The following MAGI2 variants were observed in gnomAD, a reference collection of about 807,000 sequenced individuals.
MAGI2 encodes membrane-associated guanylate kinase, WW and PDZ domain-containing protein 2.
MAGI2 carries 35 observed loss-of-function variants against 133.3 expected under a neutral mutation model. The ratio of observed to expected loss-of-function variants is 0.26; its 90% CI spans 0.20 to 0.35. The LOEUF (loss-of-function observed/expected upper bound fraction) is 0.35, where lower values mean the gene tolerates loss of function less well. Among genes scored for constraint, MAGI2 ranks in the 10% least tolerant of loss-of-function variants. MAGI2 has a pLI of 1.00. For synonymous variants in MAGI2, 729 were observed against 710.6 expected (o/e 1.03, Z -0.41); for missense variants, 1,636 against 1,863.4 (o/e 0.88, Z 2.25).
chr7:78,573,215 T>A (rs1239147675), intron 3 of MAGI2, among the ~76,000 whole-genome samples: 2 of 74,354 alleles, frequency 2.7e-5, no homozygotes, highest in African/African-American at 1.3e-4. Context: ...AATATATATA[T>A]AAATATATAT....
chr7:79,121,994 A>G lies in MAGI2; in HGVS notation c.302-114788T>C, dbSNP rs1819943884. Among the ~76,000 whole-genome samples, 2 of 152,124 alleles carry G rather than the reference A, an allele frequency of 1.3e-5. 1 individual carries two copies. Among genetic ancestry groups the G allele is most frequent in the South Asian group, 4.1e-4 (2 of 4,826 alleles). ...AAAGTTGGTATTCAGTAGCTATATC[A>G]CTTTGTATTCCCACAGTACTTAAAA... On this transcript the variant is annotated intron_variant, in intron 1 of 21. Coordinates refer to ENST00000354212, the MANE Select transcript of MAGI2 (RefSeq NM_012301.4).
chr7:78,088,978 AGGT>A (rs1816916741), intron 20 of MAGI2, among the ~76,000 whole-genome samples: 1 of 152,224 alleles, frequency 6.6e-6, no homozygotes, highest in Admixed American at 6.5e-5. Context: ...AGAGGACAGA[AGGT>A]GCTAAGCTGC....
At chr7:78,458,720 C>T (rs972790720) in intron 6 of MAGI2, among the ~76,000 whole-genome samples, 5 of 151,646 alleles carry the variant, frequency 3.3e-5, no homozygotes, top group African/African-American at 7.2e-5. Context: ...GTGCAAGCTC[C>T]GCCTCCTGGG....
At chr7:78,861,566 A>G (rs1224056802) in intron 2 of MAGI2, among the ~76,000 whole-genome samples, 2 of 152,180 alleles carry the variant, frequency 1.3e-5, no homozygotes, top group African/African-American at 2.4e-5. Flanking sequence ...ACACCAATTA[A>G]TATCTAAGTA....
chr7:78,366,420 C>G (rs959942628), intron 7 of MAGI2, among the ~76,000 whole-genome samples: 4 of 151,962 alleles, frequency 2.6e-5, no homozygotes, highest in Non-Finnish European at 1.5e-5. Context: ...CTTTCTTCTT[C>G]CAACAAAAAC....
chr7:79,401,626 C>A (rs1347112828), intron 1 of MAGI2, among the ~76,000 whole-genome samples: 3 of 151,870 alleles, frequency 2.0e-5, no homozygotes, highest in Non-Finnish European at 4.4e-5. Flanking sequence ...AATGACATAT[C>A]CAAAATAACA....
intron 1 of MAGI2, among the ~76,000 whole-genome samples, chr7:79,163,537 G>C (rs920051620): frequency 6.6e-6 from 1 of 152,072 alleles, no homozygotes; most frequent in Non-Finnish European, 1.5e-5. Context: ...ACCTCCTCAG[G>C]ATGTCATACC....
At chr7:79,443,273 TGTGTGTGTGTGC>T (rs1473228272) in intron 1 of MAGI2, among the ~76,000 whole-genome samples, 2 of 111,664 alleles carry the variant, frequency 1.8e-5, no homozygotes, top group South Asian at 3.1e-4. Context: ...AGTGTGTGTG[TGTGTGTGTGTGC>T]GTGTGTGTGT....
At chr7:78,072,744 G>A (rs1288944598) in intron 21 of MAGI2, 2 of 395,934 alleles carry the variant, frequency 5.1e-6, no homozygotes, top group Non-Finnish European at 8.9e-6. Flanking sequence ...GCAGTGGCAC[G>A]ATCATGGCTC....
chr7:78,762,868 T>C (rs985895280), intron 2 of MAGI2, among the ~76,000 whole-genome samples: 2 of 152,110 alleles, frequency 1.3e-5, no homozygotes, highest in African/African-American at 4.8e-5. Context: ...TTCCAGACAG[T>C]GAAAAAAATG....
At chr7:78,382,038 T>A (rs1021733999) in intron 6 of MAGI2, among the ~76,000 whole-genome samples, 2 of 152,180 alleles carry the variant, frequency 1.3e-5, no homozygotes, top group African/African-American at 4.8e-5. Context: ...ATGGAAACAA[T>A]CTAAATACCC....
intron 20 of MAGI2, among the ~76,000 whole-genome samples, chr7:78,099,023 A>G (rs1486081348): frequency 6.6e-6 from 1 of 152,154 alleles, no homozygotes; most frequent in Non-Finnish European, 1.5e-5. Context: ...TTTCAAATAC[A>G]AATGATTTCC....
intron 20 of MAGI2, among the ~76,000 whole-genome samples, chr7:78,121,160 TATAAG>T (rs1224882109): frequency 1.3e-5 from 2 of 150,220 alleles, no homozygotes; most frequent in East Asian, 2.0e-4. Flanking sequence ...TAGAAGAAGA[TATAAG>T]AGAAGACGTT....
chr7:79,289,854 A>T (rs558152666), intron 1 of MAGI2, among the ~76,000 whole-genome samples: 1 of 152,230 alleles, frequency 6.6e-6, no homozygotes, highest in Non-Finnish European at 1.5e-5. Context: ...TCATATAATT[A>T]ATATCTGTCT....
At chr7:78,770,924 T>C (rs1295502905) in intron 2 of MAGI2, 1 of 152,306 alleles carries the variant, frequency 6.6e-6, no homozygotes, top group East Asian at 1.9e-4. Context: ...AGTCAGTGTC[T>C]TCTCAAACCA....
At chr7:79,123,892 A>C (rs1478694573) in intron 1 of MAGI2, among the ~76,000 whole-genome samples, 1 of 148,782 alleles carries the variant, frequency 6.7e-6, no homozygotes, top group Non-Finnish European at 1.5e-5. Flanking sequence ...TCGTTCTTTT[A>C]GTTGTCTTAT....
intron 1 of MAGI2, among the ~76,000 whole-genome samples, chr7:79,259,748 A>T (rs753616583): frequency 6.6e-6 from 1 of 152,174 alleles, no homozygotes; most frequent in East Asian, 1.9e-4. Flanking sequence ...TGAATGTTCA[A>T]CACTGCTGAA....
At chr7:78,359,769 G>A (rs1792582794) in intron 7 of MAGI2, among the ~76,000 whole-genome samples, 1 of 152,206 alleles carries the variant, frequency 6.6e-6, no homozygotes. Context: ...ATCAGCAACT[G>A]TAATGAGAAA....
chr7:78,517,891 C>A (rs1016744502), intron 4 of MAGI2, among the ~76,000 whole-genome samples: 5 of 151,942 alleles, frequency 3.3e-5, no homozygotes, highest in African/African-American at 4.8e-5. Context: ...GTTAGCAGAA[C>A]TTCCTGGAGA....
Sources: gnomAD v4.1 joint callset for allele counts (sites outside exome capture counted in the v4.1 genomes callset) on GRCh38, gnomAD v4.1.1 for gene constraint, MANE v1.5 for transcripts, NCBI Gene and HGNC (gene_info 2026-07-23, HGNC 2026-07-21) for gene names.